FAT4: variants seen among roughly 807,000 people sequenced by gnomAD.
The protein encoded by FAT4 is FAT atypical cadherin 4.
A neutral mutation model predicts 303.9 loss-of-function variants in FAT4; 84 were observed. The observed-to-expected ratio is 0.28, with a 90% CI of 0.23 to 0.33. The LOEUF is 0.33. Among genes scored for constraint, FAT4 ranks in the 10% least tolerant of loss-of-function variants. FAT4 has a pLI of 1.00. For synonymous variants in FAT4, 2,307 were observed against 2,298.8 expected, an observed-to-expected ratio of 1.00 and a Z score of -0.10; for missense variants, 6,005 against 6,146.8, an observed-to-expected ratio of 0.98 and a Z score of 0.77.
chr4:125,489,336 A>G lies in FAT4; in HGVS notation c.13085-565A>G, dbSNP rs142346806. 9.3e-3 allele frequency among the ~76,000 whole-genome samples: 1,419 copies of G among 152,312 alleles called. 13 individuals are homozygous for G. The highest frequency in any genetic ancestry group is 0.02 in the Middle Eastern group (6 of 294). ...AACTTTGCCATCCCCAAGTCATAAAATGTTAACACCAGAGGTATGTTTTTA... is the reference window on the plus strand; with the variant it reads ...AACTTTGCCATCCCCAAGTCATAAAGTGTTAACACCAGAGGTATGTTTTTA... On this transcript the variant is annotated intron_variant, in intron 17 of 17. Transcript: ENST00000394329.
chr4:125,332,595 A>G (rs190083052), intron 2 of FAT4, among the ~76,000 whole-genome samples: 1 of 152,164 alleles, frequency 6.6e-6, no homozygotes, highest in East Asian at 1.9e-4. Flanking sequence ...GATTTAGATG[A>G]GGGATATTCA....
At chr4:125,347,492 T>C (rs1732049884) in intron 2 of FAT4, among the ~76,000 whole-genome samples, 2 of 151,394 alleles carry the variant, frequency 1.3e-5, no homozygotes, top group African/African-American at 2.4e-5. Context: ...AGATGGCTGC[T>C]AACACTTAAC....
intron 2 of FAT4, among the ~76,000 whole-genome samples, chr4:125,367,152 G>A (rs770462009): frequency 1.4e-4 from 21 of 151,784 alleles, no homozygotes; most frequent in Non-Finnish European, 2.8e-4. Context: ...TTTTAGCATC[G>A]CAAATATGCA....
At chr4:125,376,573 G>A (rs1387906685) in intron 2 of FAT4, among the ~76,000 whole-genome samples, 1 of 152,086 alleles carries the variant, frequency 6.6e-6, no homozygotes, top group East Asian at 1.9e-4. Context: ...CGTTGTGCAC[G>A]TGAACCCTAG....
intron 2 of FAT4, among the ~76,000 whole-genome samples, chr4:125,364,433 A>G (rs1732788312): frequency 6.6e-6 from 1 of 152,170 alleles, no homozygotes; most frequent in Admixed American, 6.6e-5. Flanking sequence ...AGTTATTAAT[A>G]ACGTATTTTA....
At chr4:125,463,099 G>T (rs1162163889) in intron 10 of FAT4, among the ~76,000 whole-genome samples, 2 of 151,982 alleles carry the variant, frequency 1.3e-5, no homozygotes, top group African/African-American at 4.8e-5. Flanking sequence ...TGTAATTCAA[G>T]TGATATTTCT....
intron 2 of FAT4, among the ~76,000 whole-genome samples, chr4:125,387,090 C>T (rs885272): frequency 0.43 from 65,975 of 151,996 alleles, 15,775 homozygotes; most frequent in Non-Finnish European, 0.56. Context: ...CAGGCAGTAA[C>T]GCTCACTTGC....
intron 2 of FAT4, among the ~76,000 whole-genome samples, chr4:125,385,006 ATATATATATATATATATATT>A (rs1733681061): frequency 1.6e-5 from 1 of 63,334 alleles, no homozygotes; most frequent in Non-Finnish European, 3.7e-5. Context: ...ATATACATAT[ATATATATATATATATATATT>A]TTTTTTTTTT....
At chr4:125,371,232 T>C (rs983102974) in intron 2 of FAT4, among the ~76,000 whole-genome samples, 1 of 151,886 alleles carries the variant, frequency 6.6e-6, no homozygotes, top group African/African-American at 2.4e-5. Flanking sequence ...ACTTAAAAAT[T>C]TCTACATATC....
chr4:125,474,155 G>T (rs557929127), intron 12 of FAT4, among the ~76,000 whole-genome samples: 2 of 151,964 alleles, frequency 1.3e-5, no homozygotes, highest in African/African-American at 4.8e-5. Context: ...TCTTTGAGTT[G>T]TATCAGCAAG....
chr4:125,472,304 G>T (rs182292805), intron 12 of FAT4, among the ~76,000 whole-genome samples: 1 of 152,186 alleles, frequency 6.6e-6, no homozygotes, highest in East Asian at 1.9e-4. Context: ...TCCTTAGACT[G>T]ATCATATGAA....
intron 3 of FAT4, among the ~76,000 whole-genome samples, chr4:125,402,706 G>A (rs1009985866): frequency 2.0e-5 from 3 of 151,970 alleles, no homozygotes; most frequent in African/African-American, 7.2e-5. Context: ...TGTAAGCTAT[G>A]ATGGAAAAGA....
Position 125,318,508 on chromosome 4 carries a change from G to A in FAT4, c.2097G>A (p.Lys699=), listed in dbSNP as rs1374510204. The change falls in exon 2 of 18, where the codon AAG becomes AAA. Residue 699 remains lysine, a synonymous_variant. Coordinates refer to ENST00000394329, the MANE Select transcript of FAT4 (RefSeq NM_001291303.3). Reference sequence around the variant, plus strand: ...CGGTCCAATACTTTGCTCACATTAAGGAGAATGAGCCTGGAGGTAGCTACA... The same window carrying A: ...CGGTCCAATACTTTGCTCACATTAAAGAGAATGAGCCTGGAGGTAGCTACA... ...FYPVQYFAHI[K]ENEPGGSYIT... The A allele has an allele frequency of 1.2e-6, 2 of 1,614,164 alleles. No individual in the cohort carries two copies. The highest frequency in any genetic ancestry group is 1.3e-5 in the African/African-American group (1 of 75,036).
In FAT4 at chr4:125,317,103, G is replaced by C. The variant is rs1346439716; in HGVS notation, c.692G>C (p.Arg231Pro). The C allele has an allele frequency of 6.2e-7, 1 of 1,613,876 alleles. No individual in the cohort carries two copies. The highest frequency in any genetic ancestry group is 2.2e-5 in the East Asian group (1 of 44,860). The part of the protein sequence containing the change: ...EVEDKGEPKR[R>P]GYLQVNVTVQ... ...GAGGACAAGGGTGAGCCTAAGCGGC[G>C]GGGCTACCTTCAGGTAAACGTGACT... The change falls in exon 2 of 18, where the codon CGG (arginine) becomes CCG (proline). Residue 231 changes from arginine (R) to proline (P), a missense_variant. Physicochemically the swap from Arg to Pro is moderately radical, Grantham distance 103 (BLOSUM62 -2). Coordinates refer to ENST00000394329, the MANE Select transcript of FAT4 (RefSeq NM_001291303.3). The surrounding 1 kb of genome is among the most constrained non-coding windows in gnomAD (Gnocchi z 7.0).
chr4:125,355,161 T>C (rs1340320280), intron 2 of FAT4, among the ~76,000 whole-genome samples: 1 of 151,920 alleles, frequency 6.6e-6, no homozygotes, highest in Admixed American at 6.6e-5. Flanking sequence ...TGACACCGGA[T>C]AGAAAATTAA....
intron 2 of FAT4, among the ~76,000 whole-genome samples, chr4:125,330,216 A>T (rs898165822): frequency 8.5e-6 from 1 of 117,958 alleles, no homozygotes; most frequent in African/African-American, 2.9e-5. Flanking sequence ...CCCATACTTC[A>T]AGTATTTTTT....
intron 10 of FAT4, among the ~76,000 whole-genome samples, chr4:125,456,423 T>C (rs1726281369): frequency 6.6e-6 from 1 of 152,186 alleles, no homozygotes; most frequent in Non-Finnish European, 1.5e-5. Context: ...AGGAATGATA[T>C]AAACAAACAT....
chr4:125,472,030 G>T (rs1171419328), intron 12 of FAT4, among the ~76,000 whole-genome samples: 4 of 135,848 alleles, frequency 2.9e-5, no homozygotes, highest in African/African-American at 8.3e-5. Context: ...CCGAGATCTC[G>T]CCACTGCACG....
At chr4:125,347,429 T>C (rs1560771962) in intron 2 of FAT4, among the ~76,000 whole-genome samples, 1 of 151,408 alleles carries the variant, frequency 6.6e-6, no homozygotes, top group Non-Finnish European at 1.5e-5. Context: ...AAAATAGTTT[T>C]CTAGAACTGC....
Sources: allele counts gnomAD v4.1 joint callset (sites outside exome capture counted in the v4.1 genomes callset), GRCh38; gene constraint gnomAD v4.1.1; non-coding constraint Gnocchi (gnomAD v3.1); transcripts MANE v1.5; gene names NCBI Gene and HGNC (gene_info 2026-07-23, HGNC 2026-07-21).